Variants in THSD7B observed in about 807,000 individuals in gnomAD.
THSD7B encodes the protein thrombospondin type-1 domain-containing protein 7B.
Under a neutral mutation model 213.6 loss-of-function variants are expected in THSD7B, and 138 were observed. The observed-to-expected ratio is 0.65, with a 90% confidence interval of 0.56 to 0.74. THSD7B has a LOEUF of 0.74. Ranked by LOEUF, THSD7B falls within the 30% of genes least tolerant of loss-of-function variation. THSD7B has a pLI of 0.00. For synonymous variants in THSD7B, 742 were observed against 687.0 expected (o/e 1.08, Z -1.25); for missense variants, 1,931 against 1,991.5 (o/e 0.97, Z 0.58).
chr2:137,540,907 C>T (rs1333672353), intron 15 of THSD7B, among the ~76,000 whole-genome samples: 2 of 151,668 alleles, frequency 1.3e-5, no homozygotes, highest in African/African-American at 4.8e-5. Context: ...GGGCTGTGCA[C>T]ACACTTAGGA....
intron 5 of THSD7B, among the ~76,000 whole-genome samples, chr2:137,126,555 G>GA: frequency 6.7e-6 from 1 of 150,280 alleles, no homozygotes; most frequent in Non-Finnish European, 1.5e-5. Context: ...GAAATGTTGT[G>GA]ACTGCTTTGG....
At chr2:136,920,953 C>G (rs1313958139) in intron 2 of THSD7B, among the ~76,000 whole-genome samples, 1 of 152,180 alleles carries the variant, frequency 6.6e-6, no homozygotes, top group Non-Finnish European at 1.5e-5. Context: ...GGAGTGGGAG[C>G]AGGCCCTTTG....
chr2:137,004,861 A>G (rs1686072934), intron 2 of THSD7B, among the ~76,000 whole-genome samples: 1 of 152,170 alleles, frequency 6.6e-6, no homozygotes. Flanking sequence ...TGTAAAATAT[A>G]TTTTACCTTC....
At chr2:136,938,331 T>C (rs1573721376) in intron 2 of THSD7B, among the ~76,000 whole-genome samples, 1 of 152,068 alleles carries the variant, frequency 6.6e-6, no homozygotes, top group African/African-American at 2.4e-5. Flanking sequence ...TGGAAAGAGG[T>C]AGAACCCAGA....
At chr2:137,456,762 AG>A (rs1687771987) in intron 15 of THSD7B, among the ~76,000 whole-genome samples, 1 of 152,220 alleles carries the variant, frequency 6.6e-6, no homozygotes, top group Admixed American at 6.5e-5. Context: ...CATATAATTA[AG>A]GGCTGCAGAG....
intron 12 of THSD7B, among the ~76,000 whole-genome samples, chr2:137,294,622 C>T (rs951861960): frequency 2.1e-5 from 3 of 145,178 alleles, no homozygotes; most frequent in Non-Finnish European, 4.5e-5. Flanking sequence ...AGAGAGACCA[C>T]ATTCATATAA....
At chr2:136,885,246 CCA>C (rs993912870) in intron 2 of THSD7B, among the ~76,000 whole-genome samples, 1 of 151,732 alleles carries the variant, frequency 6.6e-6, no homozygotes, top group Non-Finnish European at 1.5e-5. Flanking sequence ...CTATTGTTCC[CCA>C]CCCCCACACC....
chr2:137,275,742 G>C (rs1013330760), intron 11 of THSD7B, among the ~76,000 whole-genome samples, 181 bp from the exon 12 acceptor site: 1 of 152,028 alleles, frequency 6.6e-6, no homozygotes, highest in Non-Finnish European at 1.5e-5. Flanking sequence ...TCATGAATCT[G>C]GGGTAGAGTG....
At chr2:136,794,088 T>C (rs1312964541) in intron 1 of THSD7B, among the ~76,000 whole-genome samples, 1 of 150,850 alleles carries the variant, frequency 6.6e-6, no homozygotes. Context: ...TAATTCCTGA[T>C]ATGTGTGCTT....
intron 2 of THSD7B, among the ~76,000 whole-genome samples, chr2:137,014,978 C>T (rs572832364): frequency 6.6e-6 from 1 of 152,100 alleles, no homozygotes; most frequent in Admixed American, 6.6e-5. Context: ...GCTTTCTCCT[C>T]ACTCCCTCTA....
intron 1 of THSD7B, among the ~76,000 whole-genome samples, chr2:136,841,510 T>A (rs1264991686): frequency 2.2e-5 from 3 of 137,350 alleles, no homozygotes; most frequent in Non-Finnish European, 3.0e-5. Flanking sequence ...GGCAGGAGAG[T>A]CACTTGAACC....
At chr2:137,647,156 C>G (rs886667569) in intron 21 of THSD7B, among the ~76,000 whole-genome samples, 1 of 152,192 alleles carries the variant, frequency 6.6e-6, no homozygotes, top group Non-Finnish European at 1.5e-5. Context: ...GCTGTCATGA[C>G]TGCTTTAGCA....
intron 1 of THSD7B, among the ~76,000 whole-genome samples, chr2:136,837,061 C>T (rs77415913): frequency 0.054 from 8,193 of 152,282 alleles, 282 homozygotes; most frequent in East Asian, 0.15. Flanking sequence ...TGCTATCTTC[C>T]TAGGTTGGAT....
At chr2:137,028,890 T>A (rs1355711784) in intron 2 of THSD7B, among the ~76,000 whole-genome samples, 1 of 152,138 alleles carries the variant, frequency 6.6e-6, no homozygotes, top group Non-Finnish European at 1.5e-5. Flanking sequence ...TTTTAGAAGA[T>A]ATGGAAAAAT....
chr2:137,277,166 T>C (rs1217540133), intron 12 of THSD7B, among the ~76,000 whole-genome samples: 2 of 152,092 alleles, frequency 1.3e-5, no homozygotes, highest in African/African-American at 2.4e-5. Context: ...AGTAGGACCT[T>C]GAATTTGTTA....
At chr2:136,826,270 T>G (rs776633031) in intron 1 of THSD7B, among the ~76,000 whole-genome samples, 4 of 152,200 alleles carry the variant, frequency 2.6e-5, no homozygotes, top group Non-Finnish European at 5.9e-5. Context: ...AGGATTAGCA[T>G]TGAGAGGATT....
chr2:137,159,538 G>A (rs1679974081), intron 5 of THSD7B, among the ~76,000 whole-genome samples: 1 of 152,144 alleles, frequency 6.6e-6, no homozygotes, highest in African/African-American at 2.4e-5. Flanking sequence ...TTGGAAACAT[G>A]GTTGCTGCGA....
chr2:137,637,744 A>G (rs998570650), intron 20 of THSD7B, among the ~76,000 whole-genome samples: 1 of 152,204 alleles, frequency 6.6e-6, no homozygotes, highest in Non-Finnish European at 1.5e-5. Context: ...AATAAATAAA[A>G]TGGTTCTATA....
At chr2:137,011,562 T>G (rs1686231361) in intron 2 of THSD7B, among the ~76,000 whole-genome samples, 1 of 152,158 alleles carries the variant, frequency 6.6e-6, no homozygotes, top group South Asian at 2.1e-4. Flanking sequence ...AAATGTCTCT[T>G]GGGGACAAAA....
Sources: gnomAD v4.1 joint callset for allele counts (sites outside exome capture counted in the v4.1 genomes callset) on GRCh38, gnomAD v4.1.1 for gene constraint, MANE v1.5 for transcripts, NCBI Gene and HGNC (gene_info 2026-07-23, HGNC 2026-07-21) for gene names.